NBEA: variants seen among roughly 807,000 people sequenced by gnomAD.
The protein encoded by NBEA is lysosomal-trafficking regulator 2.
NBEA carries 44 observed loss-of-function variants against 343.4 expected under a neutral mutation model. The observed-to-expected ratio is 0.13, with a 90% CI of 0.10 to 0.16. NBEA has a LOEUF of 0.16. Among genes scored for constraint, NBEA ranks in the 10% least tolerant of loss-of-function variants. NBEA has a pLI of 1.00. For missense variants in NBEA, 2,555 were observed against 3,631.3 expected (o/e 0.70, Z 7.62); for synonymous variants, 1,175 against 1,238.7 (o/e 0.95, Z 1.08).
rs751267354 is a variant in NBEA, at chr13:35,159,011, C to G, written c.2845-5C>G. ...GCCTTAATGTTTTCTTTACTTATTC[C>G]TAAGGTCACTTATGAAGCTCATAAG... On this transcript the variant is annotated splice_region_variant and splice_polypyrimidine_tract_variant and intron_variant, in intron 21 of 58. Transcript: ENST00000379939. 1.3e-6 allele frequency: 2 copies of G among 1,566,308 alleles called. No homozygotes were observed. The highest frequency in any genetic ancestry group is 4.0e-5 in the Admixed American group (2 of 50,078).
intron 10 of NBEA, among the ~76,000 whole-genome samples, chr13:35,082,487 C>A (rs7981204): frequency 1.3e-5 from 2 of 152,142 alleles, no homozygotes; most frequent in Non-Finnish European, 2.9e-5. Flanking sequence ...CCTGAGGAAT[C>A]GCCACACTGA....
At chr13:35,074,277 T>C (rs2064011021) in intron 10 of NBEA, among the ~76,000 whole-genome samples, 1 of 152,162 alleles carries the variant, frequency 6.6e-6, no homozygotes, top group African/African-American at 2.4e-5. Flanking sequence ...GAGTACATAT[T>C]CTTATTGAGT....
At position 35,631,638 on chromosome 13, in the gene NBEA, T is replaced by TAAAAAAAAAAAAAA. The variant is rs59333937; in HGVS notation, c.7617+3400_7617+3413dup. Among the ~76,000 whole-genome samples, 71 of 126,438 alleles carry TAAAAAAAAAAAAAA rather than the reference T, an allele frequency of 5.6e-4. 1 individual carries two copies. The highest frequency in any genetic ancestry group is 1.7e-3 in the East Asian group (7 of 4,112). The allele number at this position is 126,438 out of a possible 152,430, so 82.9% of individuals were successfully genotyped here. A position where few individuals can be genotyped will look rare whatever the true frequency, so the allele number is the denominator to read the frequency against. ...TGAATATCTATATATGTCTCCTTTG[T>TAAAAAAAAAAAAAA]AAAAAAAAAAAAAAAAAAAAAAATT... On this transcript the variant is annotated intron_variant, in intron 49 of 58. Transcript: ENST00000379939.
chr13:35,438,473 T>C (rs144574726), intron 39 of NBEA, among the ~76,000 whole-genome samples: 14 of 152,348 alleles, frequency 9.2e-5, no homozygotes, highest in Non-Finnish European at 1.2e-4. Flanking sequence ...TTTTCAAGAC[T>C]TTATAGTTCT....
chr13:35,603,281 G>A (rs1593340752), intron 47 of NBEA, among the ~76,000 whole-genome samples: 1 of 152,284 alleles, frequency 6.6e-6, no homozygotes, highest in East Asian at 1.9e-4. Flanking sequence ...TGCGTGCAAA[G>A]TATAGCACTG....
chr13:35,614,068 T>G (rs188862715), intron 48 of NBEA, among the ~76,000 whole-genome samples: 96 of 152,360 alleles, frequency 6.3e-4, no homozygotes, highest in African/African-American at 2.0e-3. Context: ...TATATCTCAC[T>G]GTGGCTTTAA....
At chr13:35,452,922 TGG>T (rs2046378828) in intron 40 of NBEA, among the ~76,000 whole-genome samples, 1 of 152,212 alleles carries the variant, frequency 6.6e-6, no homozygotes, top group Non-Finnish European at 1.5e-5. Context: ...AATGTCATAG[TGG>T]TCACTGACCT....
intron 41 of NBEA, among the ~76,000 whole-genome samples, chr13:35,516,596 A>G (rs1241087147): frequency 6.6e-6 from 1 of 152,184 alleles, no homozygotes. Context: ...CATCCAATCT[A>G]CATTCCATTT....
At chr13:34,947,506 T>C (rs2152480794) in intron 1 of NBEA, among the ~76,000 whole-genome samples, 1 of 152,268 alleles carries the variant, frequency 6.6e-6, no homozygotes, top group African/African-American at 2.4e-5. Flanking sequence ...TTTTTTTAAC[T>C]ATATACTGAA....
chr13:35,300,646 T>TA (rs1267770213), intron 35 of NBEA, among the ~76,000 whole-genome samples: 8 of 152,170 alleles, frequency 5.3e-5, no homozygotes, highest in Non-Finnish European at 1.2e-4. Context: ...TCTTAGACCT[T>TA]ACTCCTATGG....
chr13:34,997,963 AT>A (rs1003127406), intron 1 of NBEA, among the ~76,000 whole-genome samples: 1 of 151,938 alleles, frequency 6.6e-6, no homozygotes, highest in African/African-American at 2.4e-5. Flanking sequence ...CTTAGGAGGT[AT>A]TTTTTTTATG....
In NBEA at chr13:35,628,180, G is replaced by A. The variant is rs2083305667; in HGVS notation, c.7549G>A (p.Val2517Ile). 1 of 1,613,298 alleles carries A rather than the reference G, an allele frequency of 6.2e-7. No homozygotes were observed. Among genetic ancestry groups the A allele is most frequent in the Non-Finnish European group, 8.5e-7 (1 of 1,179,560 alleles). Residue 2517 changes from valine (V) to isoleucine (I), a missense_variant, in exon 49 of 59, where the codon GTT becomes ATT. Val to Ile is a conservative substitution (Grantham distance 29, BLOSUM62 3). Coordinates refer to ENST00000379939, the MANE Select transcript of NBEA (RefSeq NM_001385012.1). Reference protein sequence around the residue: ...RGPEAVRALNVFHYLTYEGSV... With the variant: ...RGPEAVRALNIFHYLTYEGSV... Reference sequence around the variant, plus strand: ...ACCAGAAGCAGTTCGTGCTCTGAATGTTTTTCACTACTTGACTTATGAAGG... The same window carrying A: ...ACCAGAAGCAGTTCGTGCTCTGAATATTTTTCACTACTTGACTTATGAAGG...
intron 38 of NBEA, among the ~76,000 whole-genome samples, chr13:35,380,173 G>A (rs529477333): frequency 9.2e-5 from 14 of 152,134 alleles, no homozygotes; most frequent in African/African-American, 3.1e-4. Flanking sequence ...GGCCGGGCAC[G>A]GTGGCTCACA....
At chr13:35,587,128 C>T (rs530859130) in intron 46 of NBEA, among the ~76,000 whole-genome samples, 5 of 152,000 alleles carry the variant, frequency 3.3e-5, no homozygotes, top group African/African-American at 7.2e-5. Flanking sequence ...ATTAGCTGTG[C>T]GGAAACCAGA....
intron 48 of NBEA, among the ~76,000 whole-genome samples, chr13:35,619,660 C>T (rs1166403529): frequency 6.6e-6 from 1 of 152,108 alleles, no homozygotes; most frequent in Admixed American, 6.6e-5. Context: ...CCCCAATTCC[C>T]TAGCTTGAGA....
At chr13:35,160,255 C>T (rs2069463796) in intron 22 of NBEA, among the ~76,000 whole-genome samples, 1 of 152,110 alleles carries the variant, frequency 6.6e-6, no homozygotes, top group African/African-American at 2.4e-5. Flanking sequence ...TGTAACTTTG[C>T]TCAACCTCTC....
At chr13:35,223,928 C>A (rs1566483075) in intron 33 of NBEA, among the ~76,000 whole-genome samples, 1 of 152,154 alleles carries the variant, frequency 6.6e-6, no homozygotes, top group Non-Finnish European at 1.5e-5. Context: ...CTTCCAGGCT[C>A]ACTCAGGTTA....
At chr13:35,004,474 A>G (rs2061249668) in intron 1 of NBEA, among the ~76,000 whole-genome samples, 1 of 152,176 alleles carries the variant, frequency 6.6e-6, no homozygotes, top group Admixed American at 6.6e-5. Flanking sequence ...AAAGGGGGAA[A>G]AAAGCACTGG....
At position 35,171,397 on chromosome 13, in the gene NBEA, T is replaced by C. The variant is rs942871554; in HGVS notation, c.4368T>C (p.Ile1456=). 11 of 1,612,146 alleles carry C rather than the reference T, an allele frequency of 6.8e-6. No homozygotes were observed. The highest frequency in any genetic ancestry group is 9.3e-6 in the Non-Finnish European group (11 of 1,178,588). Residue 1456 remains isoleucine, a synonymous_variant, in exon 26 of 59, where the codon ATT becomes ATC. Transcript: ENST00000379939. ...VFASSLNFSE[I]EAEKNMSSGG... is the part of the protein sequence containing the mutation. Reference sequence around the variant, plus strand: ...CAAGCTCTCTAAATTTTAGTGAGATTGAAGCTGAGAAAAACATGTCTTCTG... The same window carrying C: ...CAAGCTCTCTAAATTTTAGTGAGATCGAAGCTGAGAAAAACATGTCTTCTG...
Sources: allele counts gnomAD v4.1 joint callset (sites outside exome capture counted in the v4.1 genomes callset), GRCh38; gene constraint gnomAD v4.1.1; transcripts MANE v1.5; gene names NCBI Gene and HGNC (gene_info 2026-07-23, HGNC 2026-07-21).